The following DNAJC16 variants were observed in gnomAD, a reference collection of about 807,000 sequenced individuals.
The protein encoded by DNAJC16 is DnaJ heat shock protein family (Hsp40) member C16, also known as dnaJ homolog subfamily C member 16.
Under a neutral mutation model 92.7 loss-of-function variants are expected in DNAJC16, and 76 were observed. That is an observed-to-expected ratio of 0.82 (90% CI 0.68 to 0.99). The LOEUF (loss-of-function observed/expected upper bound fraction) is 0.99. Ranked by LOEUF, DNAJC16 falls within the 50% of genes least tolerant of loss-of-function variation. DNAJC16 has a pLI of 0.00. For missense variants in DNAJC16, 869 were observed against 942.4 expected, an observed-to-expected ratio of 0.92 and a Z score of 1.02; for synonymous variants, 328 against 358.7, an observed-to-expected ratio of 0.91 and a Z score of 0.97.
At chr1:15,551,931 T>C (rs1413981430) in intron 7 of DNAJC16, among the ~76,000 whole-genome samples, 2 of 151,010 alleles carry the variant, frequency 1.3e-5, no homozygotes, top group African/African-American at 4.9e-5. Flanking sequence ...CCCGGGAGGC[T>C]GAGACAGGAG....
chr1:15,549,426 T>C (rs868296394), intron 7 of DNAJC16, among the ~76,000 whole-genome samples: 2 of 152,160 alleles, frequency 1.3e-5, no homozygotes, highest in African/African-American at 4.8e-5. Flanking sequence ...TACCGTAGTC[T>C]CCCCTGATCC....
intron 7 of DNAJC16, among the ~76,000 whole-genome samples, chr1:15,553,230 T>TTTTG (rs1163040432): frequency 2.7e-5 from 4 of 148,626 alleles, no homozygotes; most frequent in Non-Finnish European, 5.9e-5. Context: ...GTGGCTTGTC[T>TTTTG]TTTGTTTTGT....
intron 4 of DNAJC16, among the ~76,000 whole-genome samples, chr1:15,537,040 A>C (rs1570903000): frequency 6.6e-6 from 1 of 152,036 alleles, no homozygotes; most frequent in East Asian, 1.9e-4. Flanking sequence ...TAGTAGAGAC[A>C]GGGTTTCACC....
chr1:15,539,247 T>TA (rs1310207396), intron 4 of DNAJC16, among the ~76,000 whole-genome samples: 12 of 151,864 alleles, frequency 7.9e-5, no homozygotes, highest in African/African-American at 1.7e-4. Flanking sequence ...TATTTTATTT[T>TA]TTTTTTTTAT....
chr1:15,555,043 T>G lies in DNAJC16; in HGVS notation c.1024-4483T>G, dbSNP rs575090519. Reference sequence around the variant, plus strand: ...TATCCTATTAAAAAGCTTTTTTTTTTTTTGTTTGATAGTTTATGCTGCAGA... The same window carrying G: ...TATCCTATTAAAAAGCTTTTTTTTTGTTTGTTTGATAGTTTATGCTGCAGA... On this transcript the variant is annotated intron_variant, in intron 7 of 14. Transcript: ENST00000375847. Among the ~76,000 whole-genome samples the G allele has an allele frequency of 4.8e-3, 647 of 134,834 alleles. 3 individuals are homozygous for G. The highest frequency in any genetic ancestry group is 0.014 in the African/African-American group (521 of 37,816). 88.5% of individuals were successfully genotyped at this position (134,834 alleles called of 152,430 possible).
intron 7 of DNAJC16, among the ~76,000 whole-genome samples, chr1:15,556,452 G>C (rs544436087): frequency 1.3e-5 from 2 of 152,276 alleles, no homozygotes; most frequent in South Asian, 4.1e-4. Context: ...TGGCCAGGCT[G>C]GTCTCAGGTG....
chr1:15,539,298 T>C (rs894140236), intron 4 of DNAJC16, among the ~76,000 whole-genome samples: 9 of 151,930 alleles, frequency 5.9e-5, no homozygotes, highest in African/African-American at 2.2e-4. Flanking sequence ...CAGGCTGGAG[T>C]GCAGTGGTGC....
chr1:15,556,057 G>T (rs1435733342), intron 7 of DNAJC16, among the ~76,000 whole-genome samples: 5 of 150,966 alleles, frequency 3.3e-5, no homozygotes, highest in Non-Finnish European at 7.4e-5. Context: ...ACTTTTGGAG[G>T]CTGAGGTGGG....
intron 11 of DNAJC16, 73 bp downstream of exon 11, chr1:15,564,432 TTCA>T: frequency 2.0e-6 from 2 of 991,422 alleles, no homozygotes; most frequent in South Asian, 2.6e-5. Context: ...TTGAAAAGAG[TTCA>T]TCATTATTAA....
intron 2 of DNAJC16, among the ~76,000 whole-genome samples, chr1:15,533,653 CA>C (rs1557569368): frequency 6.6e-6 from 1 of 151,726 alleles, no homozygotes; most frequent in Non-Finnish European, 1.5e-5. Context: ...ACAAAAAAAA[CA>C]GTGGCCTTGA....
At chr1:15,539,773 A>G (rs1298764506) in intron 4 of DNAJC16, among the ~76,000 whole-genome samples, 1 of 151,396 alleles carries the variant, frequency 6.6e-6, no homozygotes, top group Non-Finnish European at 1.5e-5. Context: ...CACGCCTGTA[A>G]TCACAGCACT....
At chr1:15,539,150 A>G (rs1317894614) in intron 4 of DNAJC16, among the ~76,000 whole-genome samples, 1 of 152,262 alleles carries the variant, frequency 6.6e-6, no homozygotes, top group Non-Finnish European at 1.5e-5. Context: ...TAGTATTTTT[A>G]ATTCCCGAGG....
intron 9 of DNAJC16, 49 bp downstream of exon 9, chr1:15,562,374 C>T (rs747023732): frequency 6.6e-7 from 1 of 1,509,490 alleles, no homozygotes; most frequent in African/African-American, 1.4e-5. Context: ...AACCATGTGG[C>T]ACTTGATTCT....
At chr1:15,537,988 C>T (rs1710833506) in intron 4 of DNAJC16, among the ~76,000 whole-genome samples, 1 of 152,160 alleles carries the variant, frequency 6.6e-6, no homozygotes, top group Non-Finnish European at 1.5e-5. Flanking sequence ...GAGCTACCAG[C>T]GTGGCCCAGA....
In DNAJC16 at chr1:15,567,995, A is replaced by T. The variant is rs369246392; in HGVS notation, c.2167A>T (p.Ile723Leu). 4.3e-6 allele frequency: 7 copies of T among 1,614,122 alleles called. No individual in the cohort carries two copies. Among genetic ancestry groups the T allele is most frequent in the Non-Finnish European group, 5.9e-6 (7 of 1,180,056 alleles). ...PQKTVEEEEA[I>L]GSCSDVDSSL... ...AAAGACAGTCGAAGAGGAGGAAGCC[A>T]TAGGGTCGTGCAGTGATGTTGACTC... The change falls in exon 15 of 15, where the codon ATA becomes TTA. Residue 723 changes from isoleucine to leucine, a missense_variant. Transcript: ENST00000375847.
intron 7 of DNAJC16, among the ~76,000 whole-genome samples, chr1:15,552,979 A>G (rs889900630): frequency 1.3e-5 from 2 of 151,984 alleles, no homozygotes; most frequent in African/African-American, 4.8e-5. Flanking sequence ...CATGTTGGCC[A>G]GGCTGGTCTC....
chr1:15,534,393 A>G, intron 3 of DNAJC16, 90 bp downstream of exon 3: 3 of 1,305,560 alleles, frequency 2.3e-6, no homozygotes. Context: ...CAGAAAGGTC[A>G]TGTTCCCCAT....
At position 15,568,363 on chromosome 1, in the gene DNAJC16, G is replaced by A; in HGVS notation, c.*186G>A. The stretch of plus-strand genomic sequence containing the variant: ...TAGGAATGAAAAACACCACCAGTTT[G>A]AATCGCCTAGATGAAAATCTTTTCC... On this transcript the variant is annotated 3_prime_UTR_variant, in exon 15 of 15. Coordinates refer to ENST00000375847, the MANE Select transcript of DNAJC16 (RefSeq NM_015291.4). 1 of 561,702 alleles carries A rather than the reference G, an allele frequency of 1.8e-6. No individual in the cohort carries two copies. Among genetic ancestry groups the A allele is most frequent in the Admixed American group, 3.4e-5 (1 of 29,788 alleles). The allele number at this position is 561,702 out of a possible 1,614,324, so 34.8% of individuals were successfully genotyped here.
rs111678778 is a variant in DNAJC16 at position 15,538,515 on chromosome 1, C to T, written c.574+1701C>T. ...GGCGGATCACCTGAGGTCAGTAGTT[C>T]GAGACCAGCCTGGCCAAAATGCTGA... On this transcript the variant is annotated intron_variant, in intron 4 of 14. Transcript: ENST00000375847. Among the ~76,000 whole-genome samples, 1,449 of 152,192 alleles carry T rather than the reference C, an allele frequency of 9.5e-3. 22 individuals are homozygous for T. Among genetic ancestry groups the T allele is most frequent in the African/African-American group, 0.032 (1,328 of 41,502 alleles).
Sources: gnomAD v4.1 joint callset for allele counts (sites outside exome capture counted in the v4.1 genomes callset) on GRCh38, gnomAD v4.1.1 for gene constraint, MANE v1.5 for transcripts, NCBI Gene and HGNC (gene_info 2026-07-23, HGNC 2026-07-21) for gene names.